MGAT4C: variants seen among roughly 807,000 people sequenced by gnomAD.
The protein encoded by MGAT4C is MGAT4 family member C.
MGAT4C carries 19 observed loss-of-function variants against 40.1 expected under a neutral mutation model. The ratio of observed to expected loss-of-function variants is 0.47; its 90% confidence interval spans 0.33 to 0.70. The LOEUF is 0.70. MGAT4C is among the 30% of genes least tolerant of loss of function. The probability of loss-of-function intolerance (pLI) is 0.02; values close to 1 mark genes in which losing one functional copy is unlikely to be tolerated. For synonymous variants in MGAT4C, 181 were observed against 187.1 expected, an observed-to-expected ratio of 0.97 and a Z score of 0.27; for missense variants, 491 against 563.2, an observed-to-expected ratio of 0.87 and a Z score of 1.30.
chr12:86,351,589 A>T (rs1955163092), intron 3 of MGAT4C, among the ~76,000 whole-genome samples: 1 of 152,120 alleles, frequency 6.6e-6, no homozygotes, highest in East Asian at 1.9e-4. Context: ...AACTATAAAT[A>T]TTTTTTCTTT....
At chr12:86,051,903 A>C (rs1892934707) in intron 1 of MGAT4C, among the ~76,000 whole-genome samples, 1 of 151,674 alleles carries the variant, frequency 6.6e-6, no homozygotes, top group Admixed American at 6.6e-5. Context: ...CATGATGAAA[A>C]ATATTTTGAG....
At chr12:86,773,934 T>G (rs1022525591) in intron 1 of MGAT4C, among the ~76,000 whole-genome samples, 6 of 148,452 alleles carry the variant, frequency 4.0e-5, no homozygotes, top group Non-Finnish European at 8.9e-5. Flanking sequence ...CACATTTTTT[T>G]AAAGTAACTT....
chr12:86,562,451 AGAGG>A (rs1433596254), intron 2 of MGAT4C, among the ~76,000 whole-genome samples: 1 of 152,016 alleles, frequency 6.6e-6, no homozygotes, highest in Non-Finnish European at 1.5e-5. Flanking sequence ...TTTTTTTGCC[AGAGG>A]AAAAAGCCTC....
chr12:86,406,093 TAA>T (rs972047999), intron 3 of MGAT4C, among the ~76,000 whole-genome samples: 32 of 147,042 alleles, frequency 2.2e-4, no homozygotes, highest in African/African-American at 7.6e-4. Flanking sequence ...AACTTTGACT[TAA>T]GTTTCACCTA....
intron 2 of MGAT4C, among the ~76,000 whole-genome samples, chr12:86,530,240 G>A (rs1958958297): frequency 6.6e-6 from 1 of 151,614 alleles, no homozygotes; most frequent in African/African-American, 2.4e-5. Context: ...TATAATCCTT[G>A]GCATTAGCAA....
At chr12:86,674,773 T>A (rs1593102659) in intron 2 of MGAT4C, among the ~76,000 whole-genome samples, 1 of 152,154 alleles carries the variant, frequency 6.6e-6, no homozygotes. Context: ...AGTACACACA[T>A]GTTTATTTTA....
At chr12:86,080,367 T>A (rs778111944) in intron 1 of MGAT4C, among the ~76,000 whole-genome samples, 3 of 152,212 alleles carry the variant, frequency 2.0e-5, no homozygotes, top group African/African-American at 2.4e-5. Context: ...CACACTTTTT[T>A]AATGTTTTCT....
chr12:86,642,503 GT>G (rs1963420755), intron 2 of MGAT4C, among the ~76,000 whole-genome samples: 1 of 151,778 alleles, frequency 6.6e-6, no homozygotes. Context: ...TATTATTAAT[GT>G]TGCTAAGTAA....
At chr12:86,521,961 A>G (rs576170746) in intron 2 of MGAT4C, among the ~76,000 whole-genome samples, 1 of 152,030 alleles carries the variant, frequency 6.6e-6, no homozygotes, top group African/African-American at 2.4e-5. Context: ...TGGTATCCTG[A>G]GAGTTTGTTA....
chr12:86,608,298 G>A (rs886883514), intron 2 of MGAT4C, among the ~76,000 whole-genome samples: 3 of 151,868 alleles, frequency 2.0e-5, no homozygotes, highest in Non-Finnish European at 2.9e-5. Flanking sequence ...GAAAAGATTC[G>A]GCCAGCATGG....
At position 85,967,018 on chromosome 12, in the gene MGAT4C, A is replaced by G. The variant is rs1883401745; in HGVS notation, c.*12271T>C. The G allele has an allele frequency of 6.6e-6, 1 of 152,176 alleles. No homozygotes were observed. Among genetic ancestry groups the G allele is most frequent in the African/African-American group, 2.4e-5 (1 of 41,436 alleles). The allele number at this position is 152,176 out of a possible 1,614,324, so 9.4% of individuals were successfully genotyped here. A position where few individuals can be genotyped will look rare whatever the true frequency, so the allele number is the denominator to read the frequency against. On this transcript the variant is annotated 3_prime_UTR_variant, in exon 5 of 5. Coordinates refer to ENST00000611864, the MANE Select transcript of MGAT4C (RefSeq NM_001351288.2). ...TATGTAACAAACCTGCAAGTTGTGC[A>G]CATGTACCCTAAAACTTAAAGTATA...
At chr12:86,661,251 G>T (rs1324055955) in intron 2 of MGAT4C, among the ~76,000 whole-genome samples, 1 of 151,554 alleles carries the variant, frequency 6.6e-6, no homozygotes, top group South Asian at 2.1e-4. Context: ...AAAAAGATTA[G>T]ATTTTAAAAA....
chr12:86,558,961 C>T lies in MGAT4C; in HGVS notation c.-228-123696G>A, dbSNP rs1027014520. ...AAACAATGCGCCAACTACATGTCAA[C>T]TATAAGAAACTCACTTCACTAAAAA... On this transcript the variant is annotated intron_variant, in intron 2 of 7. Transcript: ENST00000548651. Among the ~76,000 whole-genome samples the T allele has an allele frequency of 7.9e-5, 12 of 151,794 alleles. No individual in the cohort carries two copies. The Middle Eastern group carries it at 0.01, about 129-fold the overall frequency.
intron 1 of MGAT4C, among the ~76,000 whole-genome samples, chr12:86,190,927 T>G (rs57624840): frequency 0.083 from 12,661 of 152,144 alleles, 629 homozygotes; most frequent in Middle Eastern, 0.22. Flanking sequence ...GCCTCAAGAC[T>G]GTAACTTAGA....
intron 1 of MGAT4C, among the ~76,000 whole-genome samples, chr12:86,185,579 C>T (rs1888669532): frequency 6.6e-6 from 1 of 152,112 alleles, no homozygotes; most frequent in Admixed American, 6.6e-5. Flanking sequence ...TGATCTAATT[C>T]TGCCCCATTC....
intron 1 of MGAT4C, among the ~76,000 whole-genome samples, chr12:86,157,763 A>G (rs930134559): frequency 1.3e-5 from 2 of 152,176 alleles, no homozygotes; most frequent in African/African-American, 4.8e-5. Context: ...GACGTGCCAC[A>G]CTTTTAAACA....
chr12:86,741,401 G>A (rs1359603099), intron 1 of MGAT4C, among the ~76,000 whole-genome samples: 2 of 151,152 alleles, frequency 1.3e-5, no homozygotes, highest in African/African-American at 4.8e-5. Flanking sequence ...AAACTATAAT[G>A]CATATTATTG....
chr12:86,117,057 CT>C (rs1476108360), intron 1 of MGAT4C, among the ~76,000 whole-genome samples: 1 of 152,010 alleles, frequency 6.6e-6, no homozygotes, highest in Non-Finnish European at 1.5e-5. Flanking sequence ...TCTTATTATA[CT>C]TTAATCATTG....
chr12:86,426,359 A>C (rs965834565), intron 3 of MGAT4C, among the ~76,000 whole-genome samples: 1 of 152,236 alleles, frequency 6.6e-6, no homozygotes, highest in African/African-American at 2.4e-5. Flanking sequence ...GAACTATAAG[A>C]GTAAAATTAT....
Sources: allele counts gnomAD v4.1 joint callset (sites outside exome capture counted in the v4.1 genomes callset), GRCh38; gene constraint gnomAD v4.1.1; transcripts MANE v1.5; gene names NCBI Gene and HGNC (gene_info 2026-07-23, HGNC 2026-07-21).